Variants in IFI16 observed in about 807,000 individuals in gnomAD.
IFI16 encodes gamma-interferon-inducible protein 16.
In IFI16, 49 loss-of-function variants were observed where a neutral mutation model predicts 68.4. That is an observed-to-expected ratio of 0.72 (90% CI 0.57 to 0.91). The LOEUF (loss-of-function observed/expected upper bound fraction) is 0.91, where lower values mean the gene tolerates loss of function less well. IFI16 is among the 40% of genes least tolerant of loss of function. The pLI is 0.00. For synonymous variants in IFI16, 307 were observed against 315.0 expected, an observed-to-expected ratio of 0.97 and a Z score of 0.27; for missense variants, 878 against 942.9, an observed-to-expected ratio of 0.93 and a Z score of 0.90.
intron 1 of IFI16, among the ~76,000 whole-genome samples, chr1:159,012,768 T>C (rs1041500005): frequency 7.2e-5 from 11 of 152,128 alleles, no homozygotes; most frequent in Non-Finnish European, 1.6e-4. Flanking sequence ...CGGGAAGGCA[T>C]GTCTGGGGCG....
chr1:159,042,311 C>A (rs911628247), intron 7 of IFI16, among the ~76,000 whole-genome samples: 1 of 23,156 alleles, frequency 4.3e-5, no homozygotes, highest in Non-Finnish European at 8.5e-5. Flanking sequence ...CCATGTCTCC[C>A]TTAAAATAAA....
chr1:159,040,694 C>T (rs927145409), intron 7 of IFI16, among the ~76,000 whole-genome samples: 2 of 152,112 alleles, frequency 1.3e-5, no homozygotes, highest in Non-Finnish European at 2.9e-5. Context: ...AAATTCAAAT[C>T]CTGCACAGGC....
intron 7 of IFI16, among the ~76,000 whole-genome samples, chr1:159,043,493 G>A (rs896229212): frequency 6.6e-6 from 1 of 152,108 alleles, no homozygotes; most frequent in African/African-American, 2.4e-5. Context: ...TTCTTCTCTG[G>A]GATCCAGCCA....
upstream of IFI16, chr1:159,006,016 T>G (rs1652242674): frequency 6.6e-6 from 1 of 152,200 alleles, no homozygotes; most frequent in Non-Finnish European, 1.5e-5. Flanking sequence ...TGACTTCTCT[T>G]GTTCCCGCTT....
intron 7 of IFI16, among the ~76,000 whole-genome samples, chr1:159,038,602 A>C (rs1314858683): frequency 6.6e-6 from 1 of 152,140 alleles, no homozygotes; most frequent in Admixed American, 6.5e-5. Context: ...CTTGGCCTCA[A>C]GTGATTCTCC....
chr1:159,026,909 A>G (rs1653706332), intron 6 of IFI16, among the ~76,000 whole-genome samples: 1 of 152,176 alleles, frequency 6.6e-6, no homozygotes, highest in Non-Finnish European at 1.5e-5. Flanking sequence ...GAATTCATTT[A>G]CCAATTCTAG....
intron 3 of IFI16, among the ~76,000 whole-genome samples, chr1:159,016,236 G>A (rs1458691912): frequency 6.6e-6 from 1 of 152,182 alleles, no homozygotes; most frequent in Non-Finnish European, 1.5e-5. Flanking sequence ...GAGTGTCAAC[G>A]TGAGAATCAG....
chr1:159,028,169 T>C (rs1410093790), intron 6 of IFI16, among the ~76,000 whole-genome samples: 1 of 152,244 alleles, frequency 6.6e-6, no homozygotes, highest in Non-Finnish European at 1.5e-5. Context: ...AACTTTCTTC[T>C]TAGCATCACC....
chr1:159,027,264 T>C lies in IFI16; in HGVS notation c.1162-5260T>C, dbSNP rs184259005. On this transcript the variant is annotated intron_variant, in intron 6 of 11. Transcript: ENST00000295809. ...ATGCTGGATTTTGTCAAATGCTTTTTTTTTGCGTCTACTTAGATGATCCGG... is the reference window on the plus strand; with the variant it reads ...ATGCTGGATTTTGTCAAATGCTTTTCTTTTGCGTCTACTTAGATGATCCGG... Among the ~76,000 whole-genome samples the C allele has an allele frequency of 2.1e-3, 325 of 152,326 alleles. 1 individual carries two copies. Among genetic ancestry groups the C allele is most frequent in the Non-Finnish European group, 3.1e-3 (211 of 68,032 alleles).
upstream of IFI16, chr1:159,009,039 T>C (rs1418545264): frequency 6.6e-6 from 1 of 152,146 alleles, no homozygotes; most frequent in Non-Finnish European, 1.5e-5. Flanking sequence ...GGGCACCCAC[T>C]GTCCTTAACA....
chr1:159,028,821 T>C (rs1309052423), intron 6 of IFI16, among the ~76,000 whole-genome samples: 1 of 152,178 alleles, frequency 6.6e-6, no homozygotes, highest in Non-Finnish European at 1.5e-5. Context: ...TTGCATAGTA[T>C]ATCTTTTTCT....
chr1:159,034,558 CA>C (rs1654204392), intron 7 of IFI16, among the ~76,000 whole-genome samples: 1 of 152,142 alleles, frequency 6.6e-6, no homozygotes, highest in Non-Finnish European at 1.5e-5. Context: ...TGGTCTTTTC[CA>C]AATGAGAAGC....
intron 7 of IFI16, among the ~76,000 whole-genome samples, chr1:159,033,590 A>G (rs1476804645): frequency 9.9e-5 from 15 of 152,242 alleles, no homozygotes; most frequent in Non-Finnish European, 2.1e-4. Flanking sequence ...AAGAAAATAG[A>G]GGTACAGAAA....
rs1232776553 is a variant in IFI16, at chr1:159,051,543, T to C, written c.1666-136T>C. On this transcript the variant is annotated intron_variant, in intron 9 of 11. Transcript: ENST00000295809. Reference sequence around the variant, plus strand: ...CTAAATCATACTATCTCAGTGATCTTTGTCTAGTTTTCCCTACTTTACCCA... The same window carrying C: ...CTAAATCATACTATCTCAGTGATCTCTGTCTAGTTTTCCCTACTTTACCCA... 5 of 646,958 alleles carry C rather than the reference T, an allele frequency of 7.7e-6. No individual in the cohort carries two copies. In the East Asian group the frequency reaches 1.0e-4, roughly 13 times the overall value. The allele number at this position is 646,958 out of a possible 1,614,324, so 40.1% of individuals were successfully genotyped here. A position where few individuals can be genotyped will look rare whatever the true frequency, so the allele number is the denominator to read the frequency against.
chr1:159,016,164 CAT>C (rs937733617), intron 3 of IFI16, among the ~76,000 whole-genome samples, 177 bp downstream of exon 3: 16 of 152,184 alleles, frequency 1.1e-4, no homozygotes, highest in Admixed American at 2.0e-4. Flanking sequence ...GCACCAAACA[CAT>C]GAGTAAACAT....
intron 10 of IFI16, 52 bp from the exon 11 acceptor site, chr1:159,053,481 T>C (rs1225372012): frequency 1.5e-6 from 2 of 1,332,178 alleles, no homozygotes; most frequent in Admixed American, 1.9e-5. Flanking sequence ...TCTCATAGAT[T>C]TGAAAATTAT....
intron 6 of IFI16, among the ~76,000 whole-genome samples, chr1:159,030,882 G>GGC (rs1553209161): frequency 4.8e-5 from 7 of 145,042 alleles, no homozygotes; most frequent in Non-Finnish European, 7.5e-5. Context: ...TGGGTGGGGG[G>GGC]GCCACAGAGC....
rs3768518 is a variant in IFI16, at chr1:159,037,396, T to C, written c.1329+4705T>C. The stretch of plus-strand genomic sequence containing the variant: ...GATTCACCAGCTGAGCAGGAAAGCC[T>C]TGTCCTTACTCATCATGGTTTCTCC... On this transcript the variant is annotated intron_variant, in intron 7 of 11. Coordinates refer to ENST00000295809, the MANE Select transcript of IFI16 (RefSeq NM_001376587.1). Among the ~76,000 whole-genome samples, 28 of 152,324 alleles carry C rather than the reference T, an allele frequency of 1.8e-4. No homozygotes were observed. In the East Asian group the frequency reaches 5.4e-3, roughly 29 times the overall value.
intron 6 of IFI16, among the ~76,000 whole-genome samples, chr1:159,024,986 G>T (rs912260139): frequency 2.6e-5 from 4 of 151,848 alleles, no homozygotes; most frequent in African/African-American, 9.7e-5. Context: ...TCCTTCCCAG[G>T]CTCGAGTTTT....
Sources: allele counts gnomAD v4.1 joint callset (sites outside exome capture counted in the v4.1 genomes callset), GRCh38; gene constraint gnomAD v4.1.1; transcripts MANE v1.5; gene names NCBI Gene and HGNC (gene_info 2026-07-23, HGNC 2026-07-21).